Variants in RHOBTB2 observed in about 807,000 individuals in gnomAD.
The protein encoded by RHOBTB2 is rho-related BTB domain-containing protein 2.
Under a neutral mutation model 66.5 loss-of-function variants are expected in RHOBTB2, and 39 were observed. That is an observed-to-expected ratio of 0.59 (90% CI 0.45 to 0.77). The LOEUF is 0.77. Ranked by LOEUF, RHOBTB2 falls within the 30% of genes least tolerant of loss-of-function variation. The pLI is 0.00. For missense variants in RHOBTB2, 755 were observed against 999.1 expected (o/e 0.76, Z 3.29); for synonymous variants, 390 against 395.0 (o/e 0.99, Z 0.15).
Position 23,010,707 on chromosome 8 carries a change from C to T in RHOBTB2, c.1771+19C>T, listed in dbSNP as rs749565264. 5.0e-6 allele frequency: 8 copies of T among 1,612,618 alleles called. No individual in the cohort carries two copies. The highest frequency in any genetic ancestry group is 4.5e-5 in the East Asian group (2 of 44,864). ...CTCACAGGTAACTAAGCAGTGCACT[C>T]GGGGACCTCCCCGCGGCAGAGGCCA... On this transcript the variant is annotated intron_variant, in intron 7 of 9. Transcript: ENST00000251822.
chr8:23,000,250 C>G (rs2128801434), intron 1 of RHOBTB2, 145 bp downstream of exon 1: 1 of 428,866 alleles, frequency 2.3e-6, no homozygotes, highest in Non-Finnish European at 3.1e-6. Flanking sequence ...CTGCTGGGTA[C>G]AGCGGGGCTG....
At chr8:22,963,859 A>C in the RHOBTB2 span, among the ~76,000 whole-genome samples, 3 of 152,008 alleles carry the variant, frequency 2.0e-5, no homozygotes, top group Admixed American at 6.6e-5. Flanking sequence ...TTGGCTCACC[A>C]CAACCACCAT....
chr8:23,007,189 A>C lies in RHOBTB2; in HGVS notation c.944A>C (p.His315Pro). The C allele has an allele frequency of 6.2e-7, 1 of 1,604,002 alleles. No homozygotes were observed. The highest frequency in any genetic ancestry group is 1.1e-5 in the South Asian group (1 of 90,550). ...GGCCCCTCGGAGCCAGGGGGCACCC[A>C]CCCAGAGGACCACCAGGGCCACTCT... ...LGGPSEPGGT[H>P]PEDHQGHSDQ... is the part of the protein sequence containing the mutation. The change falls in exon 5 of 10, where the codon CAC becomes CCC. Residue 315 changes from histidine to proline, a missense_variant. His to Pro is a moderately conservative substitution (Grantham distance 77). This residue lies in a region of RHOBTB2 where 247 missense variants were observed against 238.9 expected (regional missense o/e 1.03). Transcript: ENST00000251822.
chr8:23,014,742 C>A lies in RHOBTB2; in HGVS notation c.1824C>A (p.Ile608=). The A allele has an allele frequency of 6.2e-7, 1 of 1,614,116 alleles. No homozygotes were observed. The highest frequency in any genetic ancestry group is 1.3e-5 in the African/African-American group (1 of 75,042). Residue 608 remains isoleucine (I), a synonymous_variant, in exon 8 of 10, where the codon ATC becomes ATA. Coordinates refer to ENST00000251822, the MANE Select transcript of RHOBTB2 (RefSeq NM_015178.3). ...AAGCGACCCAGATGATGGTGGACAT[C>A]GATGGGGACGTCCTTGTGTTCCTGG... The part of the protein sequence containing the change: ...LMEATQMMVD[I]DGDVLVFLEL...
upstream of RHOBTB2, chr8:22,995,744 C>T: frequency 9.1e-7 from 1 of 1,100,392 alleles, no homozygotes; most frequent in Non-Finnish European, 1.4e-6. Context: ...TGAACTTTGC[C>T]CCAGCTGCAG....
upstream of RHOBTB2, chr8:22,995,883 G>C: frequency 1.9e-6 from 3 of 1,551,582 alleles, no homozygotes; most frequent in Non-Finnish European, 1.7e-6. Flanking sequence ...TGAAAGCGCG[G>C]TTAGTAGCCT....
At chr8:22,994,140 C>T (rs1459044049) in intron 2 of RHOBTB2, among the ~76,000 whole-genome samples, 1 of 152,184 alleles carries the variant, frequency 6.6e-6, no homozygotes. Flanking sequence ...CAGAATGAGT[C>T]TTGGAGGTCA....
In RHOBTB2 at chr8:23,019,914, G is replaced by C. The variant is rs537607978; in HGVS notation, c.*2445G>C. 26 of 232,948 alleles carry C rather than the reference G, an allele frequency of 1.1e-4. 2 individuals are homozygous for C. Among genetic ancestry groups the C allele is most frequent in the African/African-American group, 5.7e-4 (25 of 43,564 alleles). The allele number at this position is 232,948 out of a possible 1,614,324, so 14.4% of individuals were successfully genotyped here. ...CCCAGAGGGAGGAGCAGGCAGGAGA[G>C]AGAGGGGAAGGAGGTATGAATCCCA... On this transcript the variant is annotated 3_prime_UTR_variant, in exon 10 of 10. Coordinates refer to ENST00000251822, the MANE Select transcript of RHOBTB2 (RefSeq NM_015178.3).
chr8:22,986,347 G>A (rs1268419317), upstream of RHOBTB2, among the ~76,000 whole-genome samples: 1 of 140,026 alleles, frequency 7.1e-6, no homozygotes, highest in Non-Finnish European at 1.5e-5. Context: ...TGCAGCTGCA[G>A]CCTCAACTTC....
At chr8:22,986,698 T>C (rs2466212), upstream of RHOBTB2, among the ~76,000 whole-genome samples, 123,074 of 152,130 alleles carry the variant, frequency 0.81, 50,073 homozygotes, top group African/African-American at 0.87. Flanking sequence ...CATGATCACC[T>C]CAGTATAAAG....
the RHOBTB2 span, among the ~76,000 whole-genome samples, chr8:22,975,737 C>T: frequency 5.3e-5 from 8 of 152,186 alleles, no homozygotes; most frequent in East Asian, 9.7e-4. Flanking sequence ...GTGGGATAGG[C>T]AAGAAAGAGG....
the RHOBTB2 span, among the ~76,000 whole-genome samples, chr8:22,979,742 C>CTTTT: frequency 1.1e-4 from 9 of 84,092 alleles, no homozygotes; most frequent in African/African-American, 2.8e-4. Flanking sequence ...TCTTTTCTTT[C>CTTTT]TTTTTTTTTT....
intron 1 of RHOBTB2, chr8:22,992,055 T>C (rs910831128): frequency 2.6e-5 from 4 of 152,350 alleles, no homozygotes; most frequent in Middle Eastern, 3.4e-3. Context: ...CGCACTCCTT[T>C]ATCTGGAAGC....
chr8:22,994,109 A>G (rs1810486477), intron 2 of RHOBTB2, among the ~76,000 whole-genome samples: 1 of 152,214 alleles, frequency 6.6e-6, no homozygotes, highest in African/African-American at 2.4e-5. Flanking sequence ...CATGCTGGGC[A>G]CGCACAGAGG....
At chr8:22,965,278 CA>C in the RHOBTB2 span, among the ~76,000 whole-genome samples, 2 of 152,060 alleles carry the variant, frequency 1.3e-5, no homozygotes, top group African/African-American at 4.8e-5. Flanking sequence ...CTATCTGACT[CA>C]AAAAGAAAAT....
Position 23,004,759 on chromosome 8 carries a change from C to A in RHOBTB2, c.192+133C>A. ...GTGGGACAGGATGGGTTGGGGGCAG[C>A]TGAAGAGGAAGGAGCCCCTGGAGAG... On this transcript the variant is annotated intron_variant, in intron 2 of 9. Coordinates refer to ENST00000251822, the MANE Select transcript of RHOBTB2 (RefSeq NM_015178.3). The surrounding 1 kb of genome is among the most constrained non-coding windows in gnomAD (Gnocchi z 6.4). 1 of 840,682 alleles carries A rather than the reference C, an allele frequency of 1.2e-6. No individual in the cohort carries two copies. Among genetic ancestry groups the A allele is most frequent in the Non-Finnish European group, 1.9e-6 (1 of 535,974 alleles). The allele number at this position is 840,682 out of a possible 1,614,324, so 52.1% of individuals were successfully genotyped here. A position where few individuals can be genotyped will look rare whatever the true frequency, so the allele number is the denominator to read the frequency against.
the RHOBTB2 span, among the ~76,000 whole-genome samples, chr8:22,971,478 A>G: frequency 6.6e-6 from 1 of 151,498 alleles, no homozygotes; most frequent in Non-Finnish European, 1.5e-5. Flanking sequence ...ACCTGGCCCT[A>G]TCTCTCTCCT....
chr8:22,956,979 A>C, the RHOBTB2 span, among the ~76,000 whole-genome samples: 1 of 152,198 alleles, frequency 6.6e-6, no homozygotes, highest in African/African-American at 2.4e-5. Flanking sequence ...TCTTTATAGC[A>C]GTGTGAGAAA....
upstream of RHOBTB2, among the ~76,000 whole-genome samples, chr8:22,984,284 C>T (rs890244993): frequency 3.3e-5 from 5 of 152,110 alleles, no homozygotes; most frequent in Admixed American, 1.3e-4. Context: ...AAATGACAAG[C>T]GCAAAATACA....
Sources: gnomAD v4.1 joint callset for allele counts (sites outside exome capture counted in the v4.1 genomes callset) on GRCh38, gnomAD v4.1.1 for gene constraint, gnomAD v4.1.1 regional missense constraint, Gnocchi (gnomAD v3.1) non-coding constraint, MANE v1.5 for transcripts, NCBI Gene and HGNC (gene_info 2026-07-23, HGNC 2026-07-21) for gene names.